The following PLEKHM3 variants were observed in gnomAD, a reference collection of about 807,000 sequenced individuals.
PLEKHM3 encodes the protein pleckstrin homology domain-containing family M member 3.
A neutral mutation model predicts 81.8 loss-of-function variants in PLEKHM3; 45 were observed. That is an observed-to-expected ratio of 0.55 (90% CI 0.43 to 0.71). The LOEUF (loss-of-function observed/expected upper bound fraction) is 0.71. Among genes scored for constraint, PLEKHM3 ranks in the 30% least tolerant of loss-of-function variants. The pLI is 0.00. For missense variants in PLEKHM3, 788 were observed against 924.3 expected, an observed-to-expected ratio of 0.85 and a Z score of 1.91; for synonymous variants, 352 against 356.4, an observed-to-expected ratio of 0.99 and a Z score of 0.14.
At chr2:207,906,509 C>T (rs542648930) in intron 6 of PLEKHM3, among the ~76,000 whole-genome samples, 1 of 152,312 alleles carries the variant, frequency 6.6e-6, no homozygotes, top group South Asian at 2.1e-4. Flanking sequence ...AACTTTCTGG[C>T]AGGGAGCAGA....
chr2:207,871,017 A>T (rs569543429), intron 6 of PLEKHM3, among the ~76,000 whole-genome samples: 2 of 152,078 alleles, frequency 1.3e-5, no homozygotes, highest in South Asian at 2.1e-4. Flanking sequence ...CTGAGGTGGG[A>T]GGATCCCTTG....
Position 207,822,104 on chromosome 2 carries a change from G to A in PLEKHM3, c.*6215C>T, listed in dbSNP as rs2092221304. On this transcript the variant is annotated 3_prime_UTR_variant, in exon 8 of 8. Coordinates refer to ENST00000427836, the MANE Select transcript of PLEKHM3 (RefSeq NM_001080475.3). ...TGGGACTGTAGGCACATGCCACCAT[G>A]CCCAGCGTAACAGTAAGATTCTGAT... 1 of 152,082 alleles carries A rather than the reference G, an allele frequency of 6.6e-6. No homozygotes were observed. Among genetic ancestry groups the A allele is most frequent in the South Asian group, 2.1e-4 (1 of 4,828 alleles). The allele number at this position is 152,082 out of a possible 1,614,324, so 9.4% of individuals were successfully genotyped here.
intron 6 of PLEKHM3, among the ~76,000 whole-genome samples, chr2:207,893,900 G>GA (rs1394755464): frequency 6.6e-6 from 1 of 152,150 alleles, no homozygotes; most frequent in African/African-American, 2.4e-5. Flanking sequence ...AGGATCACTT[G>GA]AGCTCAGGAG....
chr2:207,905,232 CT>C (rs1688563774), intron 6 of PLEKHM3, among the ~76,000 whole-genome samples: 1 of 152,184 alleles, frequency 6.6e-6, no homozygotes, highest in Non-Finnish European at 1.5e-5. Flanking sequence ...AGCCCCTTTT[CT>C]CTAGTTACTC....
At chr2:208,009,328 G>A (rs1340364895) in intron 1 of PLEKHM3, among the ~76,000 whole-genome samples, 3 of 152,118 alleles carry the variant, frequency 2.0e-5, no homozygotes. Context: ...TCAAGGCCCA[G>A]CTCAAATGCC....
intron 7 of PLEKHM3, among the ~76,000 whole-genome samples, chr2:207,839,943 T>A (rs982057809): frequency 2.0e-5 from 3 of 151,994 alleles, no homozygotes; most frequent in Non-Finnish European, 2.9e-5. Flanking sequence ...AATAAATAAA[T>A]AAAATAAAGG....
intron 6 of PLEKHM3, among the ~76,000 whole-genome samples, chr2:207,906,189 T>C (rs1382409890): frequency 2.0e-5 from 3 of 152,300 alleles, no homozygotes; most frequent in African/African-American, 7.2e-5. Flanking sequence ...TCTCAAATGA[T>C]AGAGTCTGTG....
chr2:207,830,757 C>T (rs890703036), intron 7 of PLEKHM3, among the ~76,000 whole-genome samples: 4 of 147,872 alleles, frequency 2.7e-5, no homozygotes, highest in East Asian at 2.0e-4. Flanking sequence ...TCCCCAACTC[C>T]GCATGCCTCA....
At chr2:207,834,422 G>A (rs918741821) in intron 7 of PLEKHM3, among the ~76,000 whole-genome samples, 6 of 133,786 alleles carry the variant, frequency 4.5e-5, no homozygotes, top group Admixed American at 1.6e-4. Flanking sequence ...GAGCCACCGC[G>A]CCCAGCCTCT....
intron 3 of PLEKHM3, among the ~76,000 whole-genome samples, chr2:207,962,768 C>T (rs1260113031): frequency 6.6e-6 from 1 of 152,106 alleles, no homozygotes; most frequent in African/African-American, 2.4e-5. Context: ...TGCAAATAAA[C>T]TGACAGTGCA....
At chr2:207,866,021 C>T (rs1008379458) in intron 6 of PLEKHM3, among the ~76,000 whole-genome samples, 12 of 151,386 alleles carry the variant, frequency 7.9e-5, no homozygotes, top group East Asian at 1.9e-4. Flanking sequence ...TTTTATCTCT[C>T]CTCTCTAGAT....
intron 2 of PLEKHM3, among the ~76,000 whole-genome samples, chr2:207,998,190 C>T (rs142824051): frequency 7.8e-4 from 119 of 152,286 alleles, no homozygotes; most frequent in Non-Finnish European, 1.2e-3. Context: ...TACTCACATT[C>T]GCTATCTCCT....
rs186417905 is a variant in PLEKHM3 at position 207,877,996 on chromosome 2, C to T, written c.1951-16734G>A. On this transcript the variant is annotated intron_variant, in intron 6 of 7. Coordinates refer to ENST00000427836, the MANE Select transcript of PLEKHM3 (RefSeq NM_001080475.3). The stretch of plus-strand genomic sequence containing the variant: ...TGTCATCCAGGCTGGAGTGCAGTGG[C>T]GTAATCTTGTCTTACCGCAACCATC... Among the ~76,000 whole-genome samples, 7 of 152,186 alleles carry T rather than the reference C, an allele frequency of 4.6e-5. No individual in the cohort carries two copies. In the East Asian group the frequency reaches 5.8e-4, roughly 13 times the overall value.
intron 3 of PLEKHM3, among the ~76,000 whole-genome samples, chr2:207,948,180 T>A (rs1250766325): frequency 4.6e-5 from 7 of 152,112 alleles, no homozygotes; most frequent in African/African-American, 1.7e-4. Context: ...AGCTCCTGAT[T>A]GACAAAGGAC....
chr2:207,950,305 T>A (rs1025384474), intron 3 of PLEKHM3, among the ~76,000 whole-genome samples: 8 of 152,206 alleles, frequency 5.3e-5, no homozygotes, highest in African/African-American at 1.9e-4. Flanking sequence ...ATACAGACCG[T>A]CACTAGTCTA....
At chr2:208,014,696 T>G (rs1320933037) in intron 1 of PLEKHM3, among the ~76,000 whole-genome samples, 1 of 152,252 alleles carries the variant, frequency 6.6e-6, no homozygotes, top group Non-Finnish European at 1.5e-5. Flanking sequence ...TAATCTGGGT[T>G]TACATTAAAA....
chr2:207,992,708 G>A (rs959569242), intron 2 of PLEKHM3, among the ~76,000 whole-genome samples: 3 of 151,820 alleles, frequency 2.0e-5, no homozygotes, highest in East Asian at 3.8e-4. Context: ...ATGTGCCATG[G>A]GAACATAAAG....
chr2:208,008,351 T>C (rs1322368429), intron 1 of PLEKHM3, among the ~76,000 whole-genome samples: 3 of 151,754 alleles, frequency 2.0e-5, no homozygotes, highest in African/African-American at 7.3e-5. Context: ...AAAATAAAAA[T>C]CAGTCATGAT....
intron 6 of PLEKHM3, among the ~76,000 whole-genome samples, chr2:207,862,259 C>T (rs183262419): frequency 7.9e-4 from 121 of 152,314 alleles, no homozygotes; most frequent in Admixed American, 2.7e-3. Context: ...TTGAAGATTA[C>T]ATTTAATTTG....
Sources: allele counts gnomAD v4.1 joint callset (sites outside exome capture counted in the v4.1 genomes callset), GRCh38; gene constraint gnomAD v4.1.1; transcripts MANE v1.5; gene names NCBI Gene and HGNC (gene_info 2026-07-23, HGNC 2026-07-21).